The following SIPA1L1 variants were observed in gnomAD, a reference collection of about 807,000 sequenced individuals.
SIPA1L1 encodes signal-induced proliferation-associated 1-like protein 1.
A neutral mutation model predicts 162.7 loss-of-function variants in SIPA1L1; 26 were observed. The ratio of observed to expected loss-of-function variants is 0.16; its 90% CI spans 0.12 to 0.22. The LOEUF (loss-of-function observed/expected upper bound fraction) is 0.22. Ranked by LOEUF, SIPA1L1 falls within the 10% of genes least tolerant of loss-of-function variation. The probability of loss-of-function intolerance (pLI) is 1.00; values close to 1 mark genes in which losing one functional copy is unlikely to be tolerated. For missense variants in SIPA1L1, 1,874 were observed against 2,241.0 expected, an observed-to-expected ratio of 0.84 and a Z score of 3.31; for synonymous variants, 829 against 837.4, an observed-to-expected ratio of 0.99 and a Z score of 0.17.
At chr14:71,410,602 GAAGT>G (rs1450029050) in intron 2 of SIPA1L1, among the ~76,000 whole-genome samples, 1 of 152,182 alleles carries the variant, frequency 6.6e-6, no homozygotes, top group Non-Finnish European at 1.5e-5. Context: ...CCTGAAATCT[GAAGT>G]GCTCCAATGA....
At chr14:71,606,512 G>A (rs2037522035) in intron 5 of SIPA1L1, among the ~76,000 whole-genome samples, 1 of 152,126 alleles carries the variant, frequency 6.6e-6, no homozygotes, top group Non-Finnish European at 1.5e-5. Context: ...CTGTAGCTGC[G>A]TAGGACTCAG....
Position 71,700,201 on chromosome 14 carries a change from AGTTCAGAGGTTTAAAAG to A in SIPA1L1, c.3521+1092_3521+1108del, listed in dbSNP as rs1344321471. Among the ~76,000 whole-genome samples the A allele has an allele frequency of 2.6e-5, 4 of 152,238 alleles. No individual in the cohort carries two copies. In the South Asian group the frequency reaches 6.2e-4, roughly 24 times the overall value. ...AGGGCCAGAAAAATGTCCAGCTTTA[AGTTCAGAGGTTTAAAAG>A]GTTCAGAGGTTTAAAAGTTTACACT... is the stretch of plus-strand genomic sequence containing the variant. On this transcript the variant is annotated intron_variant, in intron 14 of 23. Coordinates refer to ENST00000381232, the MANE Select transcript of SIPA1L1 (RefSeq NM_001386936.1).
At chr14:71,681,012 AG>A in intron 12 of SIPA1L1, among the ~76,000 whole-genome samples, 2 of 152,334 alleles carry the variant, frequency 1.3e-5, no homozygotes, top group East Asian at 3.9e-4. Context: ...TATCATTTAA[AG>A]GGAACATGCT....
At chr14:71,368,309 G>A (rs1267782902) in intron 2 of SIPA1L1, among the ~76,000 whole-genome samples, 23 of 131,234 alleles carry the variant, frequency 1.8e-4, no homozygotes, top group African/African-American at 5.2e-4. Flanking sequence ...ATCCCTCCCC[G>A]CTCCCCCCAC....
intron 17 of SIPA1L1, among the ~76,000 whole-genome samples, chr14:71,720,237 G>C (rs539483182): frequency 6.6e-6 from 1 of 152,158 alleles, no homozygotes; most frequent in East Asian, 1.9e-4. Flanking sequence ...TTTGTGCCCC[G>C]ATCTCCTTCT....
chr14:71,619,251 TATAAG>T (rs1474940797), intron 6 of SIPA1L1, among the ~76,000 whole-genome samples: 2 of 152,140 alleles, frequency 1.3e-5, no homozygotes, highest in Non-Finnish European at 2.9e-5. Flanking sequence ...GGATATTAGA[TATAAG>T]AGAAGGCCAC....
intron 17 of SIPA1L1, among the ~76,000 whole-genome samples, chr14:71,715,213 C>T (rs1291023462): frequency 6.6e-6 from 1 of 152,242 alleles, no homozygotes. Context: ...GAGCCTGAGA[C>T]CCTGGTTCAA....
chr14:71,321,291 C>G (rs2032869843), intron 2 of SIPA1L1, 110 bp downstream of exon 2: 1 of 152,232 alleles, frequency 6.6e-6, no homozygotes, highest in Non-Finnish European at 1.5e-5. Context: ...GAGCAGGACC[C>G]CAGGAGGCCG....
At chr14:71,447,729 A>G (rs1197006466) in intron 2 of SIPA1L1, among the ~76,000 whole-genome samples, 2 of 151,690 alleles carry the variant, frequency 1.3e-5, no homozygotes, top group Admixed American at 6.6e-5. Flanking sequence ...ACACCTGGCT[A>G]ATTTTTTTTG....
chr14:71,372,647 T>C (rs1490195610), intron 2 of SIPA1L1, among the ~76,000 whole-genome samples: 1 of 152,166 alleles, frequency 6.6e-6, no homozygotes, highest in East Asian at 1.9e-4. Flanking sequence ...TGTATTTCAG[T>C]GTAATCCTAA....
At chr14:71,475,148 G>A (rs189365559) in intron 2 of SIPA1L1, among the ~76,000 whole-genome samples, 2 of 152,296 alleles carry the variant, frequency 1.3e-5, no homozygotes, top group African/African-American at 4.8e-5. Flanking sequence ...TGTGTAACCA[G>A]GTGATTATTT....
intron 15 of SIPA1L1, chr14:71,704,695 C>T: frequency 3.8e-6 from 6 of 1,581,144 alleles, no homozygotes; most frequent in Non-Finnish European, 5.2e-6. Flanking sequence ...AAACTAGTTG[C>T]TGTGTGTCTT....
intron 8 of SIPA1L1, among the ~76,000 whole-genome samples, chr14:71,651,939 G>A (rs909707873): frequency 2.6e-5 from 4 of 152,158 alleles, no homozygotes; most frequent in Admixed American, 6.5e-5. Flanking sequence ...GCCTCTTAAT[G>A]TAGTTTTGGA....
intron 2 of SIPA1L1, among the ~76,000 whole-genome samples, chr14:71,437,814 G>C (rs2044515164): frequency 6.6e-6 from 1 of 152,102 alleles, no homozygotes; most frequent in Non-Finnish European, 1.5e-5. Flanking sequence ...AATTAGCAAG[G>C]CATCATGCAT....
At chr14:71,372,867 C>G (rs1172958803) in intron 2 of SIPA1L1, among the ~76,000 whole-genome samples, 1 of 152,118 alleles carries the variant, frequency 6.6e-6, no homozygotes, top group African/African-American at 2.4e-5. Flanking sequence ...GAGGATGGAG[C>G]CTACATCTGT....
intron 2 of SIPA1L1, among the ~76,000 whole-genome samples, chr14:71,420,736 T>A (rs563439415): frequency 7.0e-6 from 1 of 142,162 alleles, no homozygotes; most frequent in African/African-American, 3.1e-5. Context: ...TGCTTTTGTG[T>A]TTTTTTTTGT....
chr14:71,552,781 G>C (rs1206122277), intron 4 of SIPA1L1, among the ~76,000 whole-genome samples: 2 of 152,038 alleles, frequency 1.3e-5, no homozygotes, highest in Admixed American at 1.3e-4. Flanking sequence ...TCAGTCTGTG[G>C]GGACTACCGA....
chr14:71,475,966 C>G (rs191770966), intron 2 of SIPA1L1, among the ~76,000 whole-genome samples: 2 of 152,164 alleles, frequency 1.3e-5, no homozygotes, highest in African/African-American at 4.8e-5. Context: ...AGAGCTGTTC[C>G]TCACTTTCAT....
chr14:71,401,872 T>C (rs991470527), intron 2 of SIPA1L1, among the ~76,000 whole-genome samples: 6 of 152,180 alleles, frequency 3.9e-5, no homozygotes, highest in African/African-American at 1.4e-4. Flanking sequence ...TGAAAAAATA[T>C]AAAATATGCA....
Sources: allele counts gnomAD v4.1 joint callset (sites outside exome capture counted in the v4.1 genomes callset), GRCh38; gene constraint gnomAD v4.1.1; transcripts MANE v1.5; gene names NCBI Gene and HGNC (gene_info 2026-07-23, HGNC 2026-07-21).